LMAN2: variants seen among roughly 807,000 people sequenced by gnomAD.
The protein encoded by LMAN2 is lectin, mannose binding 2, also known as vesicular integral-membrane protein VIP36.
In LMAN2, 22 loss-of-function variants were observed where a neutral mutation model predicts 39.3. That is an observed-to-expected ratio of 0.56 (90% CI 0.40 to 0.80). The LOEUF (loss-of-function observed/expected upper bound fraction) is 0.80. Ranked by LOEUF, LMAN2 falls within the 30% of genes least tolerant of loss-of-function variation. The pLI, the probability that LMAN2 is intolerant of heterozygous loss-of-function variation, is 0.00. For missense variants in LMAN2, 494 were observed against 505.4 expected (o/e 0.98, Z 0.22); for synonymous variants, 207 against 207.8 (o/e 1.00, Z 0.03).
rs546848526 is a variant in LMAN2 at position 177,333,424 on chromosome 5, A to G, written c.910+860T>C. 5.3e-5 allele frequency among the ~76,000 whole-genome samples: 8 copies of G among 152,378 alleles called. 1 individual carries two copies. In the South Asian group the frequency reaches 1.7e-3, roughly 32 times the overall value. ...GGTGCCACCTCTGCAAACACCCAGCAGCTGGCAGCCTTCTGACCAAAGGTT... is the reference window on the plus strand; with the variant it reads ...GGTGCCACCTCTGCAAACACCCAGCGGCTGGCAGCCTTCTGACCAAAGGTT... On this transcript the variant is annotated intron_variant, in intron 7 of 7. Transcript: ENST00000303127.
rs753779968 is a variant in LMAN2 at position 177,337,995 on chromosome 5, G to C, written c.434-210C>G. On this transcript the variant is annotated intron_variant, in intron 3 of 7. Coordinates refer to ENST00000303127, the MANE Select transcript of LMAN2 (RefSeq NM_006816.3). The surrounding 1 kb of genome is among the most constrained non-coding windows in gnomAD (Gnocchi z 8.2). The stretch of plus-strand genomic sequence containing the variant: ...CATATGACACAGAGGACTCAAGTTT[G>C]AAGGCTGAACTGTGAGGGGACTGAG... 1.1e-4 allele frequency among the ~76,000 whole-genome samples: 16 copies of C among 152,158 alleles called. No homozygotes were observed. Among genetic ancestry groups the C allele is most frequent in the Middle Eastern group, 3.4e-3 (1 of 294 alleles).
At chr5:177,343,423 G>C (rs370403024) in intron 2 of LMAN2, among the ~76,000 whole-genome samples, 2 of 152,244 alleles carry the variant, frequency 1.3e-5, no homozygotes, top group African/African-American at 4.8e-5. Context: ...TACTTCCTGG[G>C]TATATACCCA....
In LMAN2 at chr5:177,334,267, G is replaced by A. The variant is rs1189654237; in HGVS notation, c.910+17C>T. 3 of 1,608,672 alleles carry A rather than the reference G, an allele frequency of 1.9e-6. No individual in the cohort carries two copies. Among genetic ancestry groups the A allele is most frequent in the Non-Finnish European group, 2.5e-6 (3 of 1,178,514 alleles). ...AGGCCGCCCAGGCCCAGGCAGGGCG[G>A]GGCTGTGCACACGCACCTTTGGGCG... On this transcript the variant is annotated intron_variant, in intron 7 of 7. Transcript: ENST00000303127.
At chr5:177,350,661 A>T (rs940277974) in intron 2 of LMAN2, among the ~76,000 whole-genome samples, 1 of 152,254 alleles carries the variant, frequency 6.6e-6, no homozygotes, top group African/African-American at 2.4e-5. Context: ...AATACTGTTT[A>T]TGACATTTGC....
chr5:177,341,944 C>T (rs1309821919), intron 2 of LMAN2, among the ~76,000 whole-genome samples: 4 of 151,840 alleles, frequency 2.6e-5, no homozygotes, highest in Non-Finnish European at 5.9e-5. Context: ...GAGAAAAGAG[C>T]ATATAACTTT....
In LMAN2 at chr5:177,338,604, G is replaced by A. The variant is rs778202137; in HGVS notation, c.317C>T (p.Pro106Leu). ...CATTTCCCAGTCTTTGAGGAAGCAC[G>A]GCTGGAGGGAGAGCAGAATGGGCTG... is the stretch of plus-strand genomic sequence containing the variant. ...SKEGSIWNHQ[P>L]CFLKDWEMHV... Residue 106 changes from proline (P) to leucine (L), a missense_variant and splice_region_variant, in exon 3 of 8, where the codon CCG becomes CTG. Pro to Leu is a moderately conservative substitution (Grantham distance 98). Transcript: ENST00000303127. 21 of 1,613,854 alleles carry A rather than the reference G, an allele frequency of 1.3e-5. No individual in the cohort carries two copies. The highest frequency in any genetic ancestry group is 4.4e-5 in the South Asian group (4 of 91,088).
chr5:177,339,212 T>C (rs907569891), intron 2 of LMAN2, among the ~76,000 whole-genome samples: 1 of 152,074 alleles, frequency 6.6e-6, no homozygotes, highest in Non-Finnish European at 1.5e-5. Flanking sequence ...TCACATAAAT[T>C]GCACCAGCCC....
In LMAN2 at chr5:177,332,375, A is replaced by C; in HGVS notation, c.911-129T>G. Reference sequence around the variant, plus strand: ...CAGGCCGGTCGTACTCACCCCCCTCACCGGGGAGGGGCAGAGGTCAGGTGA... The same window carrying C: ...CAGGCCGGTCGTACTCACCCCCCTCCCCGGGGAGGGGCAGAGGTCAGGTGA... On this transcript the variant is annotated intron_variant, in intron 7 of 7. Transcript: ENST00000303127. The surrounding 1 kb of genome is among the most constrained non-coding windows in gnomAD (Gnocchi z 6.3). 3.7e-6 allele frequency: 3 copies of C among 806,706 alleles called. No homozygotes were observed. The highest frequency in any genetic ancestry group is 3.9e-6 in the Non-Finnish European group (2 of 510,118). 50.0% of individuals were successfully genotyped at this position (806,706 alleles called of 1,614,324 possible).
At position 177,338,543 on chromosome 5, in the gene LMAN2, C is replaced by G; in HGVS notation, c.378G>C (p.Lys126Asn). The G allele has an allele frequency of 1.2e-6, 2 of 1,614,254 alleles. No individual in the cohort carries two copies. Among genetic ancestry groups the G allele is most frequent in the Non-Finnish European group, 1.7e-6 (2 of 1,180,038 alleles). Residue 126 changes from lysine (K) to asparagine (N), a missense_variant, in exon 3 of 8, where the codon AAG becomes AAC. Lys to Asn is a moderately conservative substitution (Grantham distance 94). Transcript: ENST00000303127. Reference sequence around the variant, plus strand: ...AGGCGATGCCGTCTCCATGGAGGTTCTTCTTCCCTGTGCCGTGGACTTTGA... The same window carrying G: ...AGGCGATGCCGTCTCCATGGAGGTTGTTCTTCCCTGTGCCGTGGACTTTGA... ...VHFKVHGTGKKNLHGDGIALW... is the reference protein window; with the variant it reads ...VHFKVHGTGKNNLHGDGIALW...
At position 177,337,047 on chromosome 5, in the gene LMAN2, C is replaced by T. The variant is rs1043064991; in HGVS notation, c.790+89G>A. 2.2e-5 allele frequency: 21 copies of T among 964,522 alleles called. No individual in the cohort carries two copies. The highest frequency in any genetic ancestry group is 3.9e-5 in the Admixed American group (2 of 51,560). 59.7% of individuals were successfully genotyped at this position (964,522 alleles called of 1,614,324 possible). A position where few individuals can be genotyped will look rare whatever the true frequency, so the allele number is the denominator to read the frequency against. ...CACAGCCAGGTGAGCTCAGAAACCA[C>T]ATGAAGGCAGGCAATCAACTGCATG... On this transcript the variant is annotated intron_variant, in intron 6 of 7. Coordinates refer to ENST00000303127, the MANE Select transcript of LMAN2 (RefSeq NM_006816.3). The surrounding 1 kb of genome is among the most constrained non-coding windows in gnomAD (Gnocchi z 8.2).
At chr5:177,338,428 G>T in intron 3 of LMAN2, 60 bp downstream of exon 3, 1 of 1,399,786 alleles carries the variant, frequency 7.1e-7, no homozygotes, top group Non-Finnish European at 1.0e-6. Context: ...CTCCCTAGGG[G>T]GCCAGCAGCC....
Position 177,338,526 on chromosome 5 carries a change from C to T in LMAN2, c.395G>A (p.Gly132Asp), listed in dbSNP as rs868158758. Reference protein sequence around the residue: ...GTGKKNLHGDGIALWYTRDRL... With the variant: ...GTGKKNLHGDDIALWYTRDRL... ...GTCCCGGGTGTACCACAAGGCGATG[C>T]CGTCTCCATGGAGGTTCTTCTTCCC... Residue 132 changes from glycine (G) to aspartate (D), a missense_variant, in exon 3 of 8, where the codon GGC becomes GAC. By Grantham distance (94) the Gly-to-Asp change is moderately conservative. Transcript: ENST00000303127. 1.2e-6 allele frequency: 2 copies of T among 1,614,232 alleles called. No homozygotes were observed. The highest frequency in any genetic ancestry group is 1.7e-6 in the Non-Finnish European group (2 of 1,180,034).
At chr5:177,346,304 G>A (rs1208856587) in intron 2 of LMAN2, 3 of 325,138 alleles carry the variant, frequency 9.2e-6, no homozygotes, top group East Asian at 5.1e-5. Flanking sequence ...ACACGGGATC[G>A]TTTCCAGATG....
intron 6 of LMAN2, among the ~76,000 whole-genome samples, chr5:177,336,681 A>T (rs551745646): frequency 4.7e-4 from 72 of 152,318 alleles, no homozygotes; most frequent in African/African-American, 1.6e-3. Flanking sequence ...GATGGGCAAG[A>T]TGTGGCCTCA....
intron 2 of LMAN2, among the ~76,000 whole-genome samples, chr5:177,350,826 G>T (rs2127320745): frequency 6.6e-6 from 1 of 152,276 alleles, no homozygotes; most frequent in Admixed American, 6.5e-5. Context: ...TTACTGAGGG[G>T]GTTCAAGGCA....
intron 6 of LMAN2, among the ~76,000 whole-genome samples, chr5:177,335,860 G>A (rs920592110): frequency 6.6e-6 from 1 of 152,196 alleles, no homozygotes; most frequent in Non-Finnish European, 1.5e-5. Flanking sequence ...TCACGTGCCA[G>A]TTCTGGTCAG....
At position 177,351,289 on chromosome 5, in the gene LMAN2, C is replaced by A. The variant is rs1346942783; in HGVS notation, c.199G>T (p.Val67Phe). Reference sequence around the variant, plus strand: ...CAGAGGGGCATAGAGCTGGAACCGACCCCTGTGGGAAGAGACAGGTGCTAA... The same window carrying A: ...CAGAGGGGCATAGAGCTGGAACCGAACCCTGTGGGAAGAGACAGGTGCTAA... The part of the protein sequence containing the change: ...EHSLIKPYQG[V>F]GSSSMPLWDF... Residue 67 changes from valine (V) to phenylalanine (F), a missense_variant and splice_region_variant, in exon 2 of 8, where the codon GTC (valine) becomes TTC (phenylalanine). Coordinates refer to ENST00000303127, the MANE Select transcript of LMAN2 (RefSeq NM_006816.3). 1.9e-6 allele frequency: 3 copies of A among 1,613,850 alleles called. No individual in the cohort carries two copies. Among genetic ancestry groups the A allele is most frequent in the Non-Finnish European group, 8.5e-7 (1 of 1,180,018 alleles).
In LMAN2 at chr5:177,350,399, A is replaced by T. The variant is rs144672854; in HGVS notation, c.315+774T>A. 5.3e-5 allele frequency among the ~76,000 whole-genome samples: 8 copies of T among 152,300 alleles called. No homozygotes were observed. In the East Asian group the frequency reaches 1.3e-3, roughly 26 times the overall value. Reference sequence around the variant, plus strand: ...TTCTTTCCCCTTTTTCCTCACCTTGACTGCCTCAGTGTGGATTCTGTGTAG... The same window carrying T: ...TTCTTTCCCCTTTTTCCTCACCTTGTCTGCCTCAGTGTGGATTCTGTGTAG... On this transcript the variant is annotated intron_variant, in intron 2 of 7. Transcript: ENST00000303127.
intron 3 of LMAN2, 44 bp downstream of exon 3, chr5:177,338,444 C>T (rs533106183): frequency 5.2e-6 from 8 of 1,535,700 alleles, no homozygotes; most frequent in South Asian, 2.2e-5. Context: ...CAGCCATGCC[C>T]GTGCCCACCC....
Sources: gnomAD v4.1 joint callset for allele counts (sites outside exome capture counted in the v4.1 genomes callset) on GRCh38, gnomAD v4.1.1 for gene constraint, Gnocchi (gnomAD v3.1) non-coding constraint, MANE v1.5 for transcripts, NCBI Gene and HGNC (gene_info 2026-07-23, HGNC 2026-07-21) for gene names.